The following RSF1 variants were observed in gnomAD, a reference collection of about 807,000 sequenced individuals.
RSF1 encodes the protein HBV pX-associated protein 8.
A neutral mutation model predicts 145.2 loss-of-function variants in RSF1; 13 were observed. The ratio of observed to expected loss-of-function variants is 0.09; its 90% confidence interval spans 0.06 to 0.14. RSF1 has a LOEUF of 0.14. Among genes scored for constraint, RSF1 ranks in the 10% least tolerant of loss-of-function variants. The probability of loss-of-function intolerance (pLI) is 1.00; values close to 1 mark genes in which losing one functional copy is unlikely to be tolerated. For missense variants in RSF1, 1,517 were observed against 1,718.2 expected (o/e 0.88, Z 2.07); for synonymous variants, 577 against 592.6 (o/e 0.97, Z 0.38).
At chr11:77,724,850 G>A (rs979673052) in intron 5 of RSF1, among the ~76,000 whole-genome samples, 2 of 152,206 alleles carry the variant, frequency 1.3e-5, no homozygotes, top group Non-Finnish European at 2.9e-5. Context: ...ATGCTCACTC[G>A]TCCCTGCTCA....
At chr11:77,762,009 A>ATTATT (rs1231278318) in intron 2 of RSF1, 7,355 of 86,496 alleles carry the variant, frequency 0.085, 669 homozygotes, top group Non-Finnish European at 0.12. Context: ...TATTTTTTGT[A>ATTATT]TTATTTTCTT....
chr11:77,693,459 T>C (rs1565150379), intron 8 of RSF1, 48 bp downstream of exon 8: 1 of 1,206,528 alleles, frequency 8.3e-7, no homozygotes, highest in Non-Finnish European at 1.2e-6. Context: ...CAGTTATTAA[T>C]TTGAATACAA....
intron 4 of RSF1, chr11:77,734,932 G>C (rs1961305910): frequency 1.9e-6 from 3 of 1,590,956 alleles, no homozygotes; most frequent in Non-Finnish European, 2.6e-6. Flanking sequence ...GTAAACGTAG[G>C]AGGCACAGAG....
At chr11:77,706,784 T>A (rs948972259) in intron 5 of RSF1, among the ~76,000 whole-genome samples, 1 of 152,132 alleles carries the variant, frequency 6.6e-6, no homozygotes, top group Non-Finnish European at 1.5e-5. Flanking sequence ...ATAATAAACA[T>A]AGTATCTGAT....
intron 1 of RSF1, among the ~76,000 whole-genome samples, chr11:77,785,638 G>A (rs895775283): frequency 1.3e-5 from 2 of 151,520 alleles, no homozygotes; most frequent in Admixed American, 1.3e-4. Flanking sequence ...GTGTACTTGA[G>A]CAGATGATAT....
rs372728651 is a variant in RSF1 at position 77,760,914 on chromosome 11, TTTC to T, written c.279+3681_279+3683del. 4.0e-3 allele frequency among the ~76,000 whole-genome samples: 615 copies of T among 152,020 alleles called. 1 individual carries two copies. The highest frequency in any genetic ancestry group is 6.4e-3 in the Non-Finnish European group (432 of 67,968). On this transcript the variant is annotated intron_variant, in intron 2 of 15. Transcript: ENST00000308488. ...AGAAAAGACACACTAGGTTATTTTCTTTCTTTTTTTTTTTCTGAAACGGAGTCT... is the reference window on the plus strand; with the variant it reads ...AGAAAAGACACACTAGGTTATTTTCTTTTTTTTTTTTCTGAAACGGAGTCT...
chr11:77,865,788 C>T, the RSF1 span, among the ~76,000 whole-genome samples: 1 of 152,116 alleles, frequency 6.6e-6, no homozygotes, highest in African/African-American at 2.4e-5. Context: ...TTGATAATTC[C>T]ACTTGTATGA....
At position 77,808,771 on chromosome 11, in the gene RSF1, G is replaced by C. The variant is rs370964988; in HGVS notation, c.187+11757C>G. ...GATGGTCTCGATCTCCTGACCTCGT[G>C]ATCCGCCCACCTCGGCCTCCCAAAG... On this transcript the variant is annotated intron_variant, in intron 1 of 15. Coordinates refer to ENST00000308488, the MANE Select transcript of RSF1 (RefSeq NM_016578.4). 2.5e-4 allele frequency among the ~76,000 whole-genome samples: 26 copies of C among 104,922 alleles called. 7 individuals are homozygous for C. The highest frequency in any genetic ancestry group is 2.3e-3 in the East Asian group (8 of 3,520). The allele number at this position is 104,922 out of a possible 152,430, so 68.8% of individuals were successfully genotyped here.
chr11:77,701,061 T>C lies in RSF1; in HGVS notation c.2168A>G (p.Glu723Gly), dbSNP rs751901618. ...EEETTASENT[E>G]ITSERQKEGI... The stretch of plus-strand genomic sequence containing the variant: ...CTCTTTCTGCCTTTCAGAGGTTATC[T>C]CTGTATTTTCTGAGGCAGTGGTTTC... The change falls in exon 6 of 16, where the codon GAG becomes GGG. Residue 723 changes from glutamate (E) to glycine (G), a missense_variant. By Grantham distance (98) the Glu-to-Gly change is moderately conservative. This residue lies in a region of RSF1 where 579 missense variants were observed against 553.5 expected (regional missense o/e 1.05). Transcript: ENST00000308488. The C allele has an allele frequency of 6.2e-7, 1 of 1,613,888 alleles. No individual in the cohort carries two copies. The highest frequency in any genetic ancestry group is 1.1e-5 in the South Asian group (1 of 91,062).
chr11:77,667,848 C>A (rs976195382), intron 15 of RSF1, among the ~76,000 whole-genome samples: 13 of 151,564 alleles, frequency 8.6e-5, no homozygotes, highest in Non-Finnish European at 1.8e-4. Context: ...GGATTACAGG[C>A]GCCAGCCACC....
At chr11:77,769,321 A>G (rs957486881) in intron 1 of RSF1, among the ~76,000 whole-genome samples, 2 of 152,224 alleles carry the variant, frequency 1.3e-5, no homozygotes, top group Admixed American at 6.5e-5. Flanking sequence ...GACAAGCTCT[A>G]AATTTATTTA....
chr11:77,705,690 T>G (rs1419548368), intron 5 of RSF1, among the ~76,000 whole-genome samples: 4 of 152,126 alleles, frequency 2.6e-5, no homozygotes, highest in Non-Finnish European at 5.9e-5. Flanking sequence ...CTGGTGCCTT[T>G]TGCCCTTTTC....
intron 5 of RSF1, 95 bp downstream of exon 5, chr11:77,725,450 G>T: frequency 9.5e-7 from 1 of 1,054,626 alleles, no homozygotes; most frequent in Non-Finnish European, 1.2e-6. Flanking sequence ...AATTCAAATT[G>T]AGATAGAAAT....
chr11:77,786,402 A>T (rs1948457280), intron 1 of RSF1, among the ~76,000 whole-genome samples: 1 of 152,220 alleles, frequency 6.6e-6, no homozygotes, highest in Non-Finnish European at 1.5e-5. Context: ...ATTTAAATTT[A>T]AAATTGGCAT....
chr11:77,789,994 C>T (rs182019441), intron 1 of RSF1, among the ~76,000 whole-genome samples: 43 of 152,298 alleles, frequency 2.8e-4, no homozygotes, highest in African/African-American at 9.1e-4. Context: ...ACCGCCAACA[C>T]CAGTACACAC....
At chr11:77,846,803 A>C in the RSF1 span, among the ~76,000 whole-genome samples, 1 of 152,148 alleles carries the variant, frequency 6.6e-6, no homozygotes, top group Non-Finnish European at 1.5e-5. Context: ...CTTGTTTTTT[A>C]ATTTTAATTT....
chr11:77,745,014 G>A (rs753174795), intron 3 of RSF1, among the ~76,000 whole-genome samples: 6 of 151,836 alleles, frequency 4.0e-5, no homozygotes, highest in South Asian at 2.1e-4. Flanking sequence ...CTATTTCTTC[G>A]TAATTCAGTC....
At chr11:77,752,965 A>C (rs985320906) in intron 2 of RSF1, among the ~76,000 whole-genome samples, 5 of 152,142 alleles carry the variant, frequency 3.3e-5, no homozygotes, top group Non-Finnish European at 7.3e-5. Flanking sequence ...GCACCAAAAC[A>C]GTCTACAAAT....
intron 1 of RSF1, among the ~76,000 whole-genome samples, chr11:77,770,256 A>T (rs1046087854): frequency 6.6e-6 from 1 of 152,072 alleles, no homozygotes; most frequent in Non-Finnish European, 1.5e-5. Flanking sequence ...AGGTCAGGAG[A>T]TCGAGACCAC....
Sources: allele counts gnomAD v4.1 joint callset (sites outside exome capture counted in the v4.1 genomes callset), GRCh38; gene constraint gnomAD v4.1.1; regional missense constraint gnomAD v4.1.1; transcripts MANE v1.5; gene names NCBI Gene and HGNC (gene_info 2026-07-23, HGNC 2026-07-21).